ELAPOR1: variants seen among roughly 807,000 people sequenced by gnomAD.
ELAPOR1 encodes endosome/lysosome-associated apoptosis and autophagy regulator 1.
Under a neutral mutation model 119.7 loss-of-function variants are expected in ELAPOR1, and 77 were observed. The ratio of observed to expected loss-of-function variants is 0.64; its 90% CI spans 0.54 to 0.78. The LOEUF (loss-of-function observed/expected upper bound fraction) is 0.78, where lower values mean the gene tolerates loss of function less well. Among genes scored for constraint, ELAPOR1 ranks in the 30% least tolerant of loss-of-function variants. The probability of loss-of-function intolerance (pLI) is 0.00; values close to 1 mark genes in which losing one functional copy is unlikely to be tolerated. For synonymous variants in ELAPOR1, 481 were observed against 487.2 expected (o/e 0.99, Z 0.17); for missense variants, 1,115 against 1,270.4 (o/e 0.88, Z 1.86).
chr1:109,141,865 A>G (rs1228966203), intron 1 of ELAPOR1, among the ~76,000 whole-genome samples: 1 of 151,130 alleles, frequency 6.6e-6, no homozygotes, highest in African/African-American at 2.4e-5. Flanking sequence ...GGGTTTTGCC[A>G]TGTTGCCCAG....
At chr1:109,161,120 AGGGAAAT>A (rs1651220142) in intron 1 of ELAPOR1, among the ~76,000 whole-genome samples, 3 of 152,200 alleles carry the variant, frequency 2.0e-5, no homozygotes, top group African/African-American at 7.2e-5. Flanking sequence ...TAAGAAACAC[AGGGAAAT>A]AGGGCCAGGC....
At chr1:109,178,907 G>A (rs1570694722) in intron 7 of ELAPOR1, among the ~76,000 whole-genome samples, 1 of 150,348 alleles carries the variant, frequency 6.7e-6, no homozygotes, top group Non-Finnish European at 1.5e-5. Context: ...GGAGGCTGCA[G>A]TGAACCAAGA....
chr1:109,133,038 C>T (rs983530273), intron 1 of ELAPOR1, among the ~76,000 whole-genome samples: 39 of 152,016 alleles, frequency 2.6e-4, no homozygotes, highest in Non-Finnish European at 1.0e-4. Context: ...AAGACCAGCC[C>T]GGGCAACATG....
intron 11 of ELAPOR1, 150 bp downstream of exon 11, chr1:109,189,832 A>C: frequency 4.5e-6 from 3 of 662,500 alleles, no homozygotes; most frequent in Non-Finnish European, 8.0e-6. Context: ...AGTTTGACCG[A>C]GGTAACCCAA....
At position 109,172,586 on chromosome 1, in the gene ELAPOR1, C is replaced by T. The variant is rs1651989191; in HGVS notation, c.696+18C>T. The T allele has an allele frequency of 1.3e-6, 2 of 1,594,752 alleles. No homozygotes were observed. The highest frequency in any genetic ancestry group is 1.7e-6 in the Non-Finnish European group (2 of 1,163,232). On this transcript the variant is annotated intron_variant, in intron 5 of 21. Coordinates refer to ENST00000369939, the MANE Select transcript of ELAPOR1 (RefSeq NM_020775.5). The stretch of plus-strand genomic sequence containing the variant: ...TCCACAGTGTGAGTATCACACCAGC[C>T]TTCTCCCAGAGATCCCAGAAAAGGG...
At position 109,164,426 on chromosome 1, in the gene ELAPOR1, C is replaced by T. The variant is rs929633567; in HGVS notation, c.275-73C>T. The T allele has an allele frequency of 2.2e-6, 3 of 1,369,762 alleles. No individual in the cohort carries two copies. In the African/African-American group the frequency reaches 4.3e-5, roughly 20 times the overall value. 84.9% of individuals were successfully genotyped at this position (1,369,762 alleles called of 1,614,324 possible). On this transcript the variant is annotated intron_variant, in intron 2 of 21. Transcript: ENST00000369939. ...CCCAACCCAGCGCTCCTCCCTTCAG[C>T]TGCTCGCAGCCCATTCACTTCTGGG...
Position 109,192,744 on chromosome 1 carries a change from C to T in ELAPOR1, c.1817C>T (p.Pro606Leu). 1 of 1,614,074 alleles carries T rather than the reference C, an allele frequency of 6.2e-7. No homozygotes were observed. Residue 606 changes from proline (P) to leucine (L), a missense_variant, in exon 14 of 22, where the codon CCT (proline) becomes CTT (leucine). Pro to Leu is a moderately conservative substitution (Grantham distance 98). Coordinates refer to ENST00000369939, the MANE Select transcript of ELAPOR1 (RefSeq NM_020775.5). ...SDVGSSCTSC[P>L]AGYYIDRDSG... The stretch of plus-strand genomic sequence containing the variant: ...GTGGGCTCCTCCTGCACCTCTTGTC[C>T]TGCTGGTTACTATATTGACCGAGAT...
chr1:109,129,411 G>A (rs964083362), intron 1 of ELAPOR1, among the ~76,000 whole-genome samples: 2 of 152,202 alleles, frequency 1.3e-5, no homozygotes, highest in Admixed American at 1.3e-4. Context: ...CCGGGAGGCT[G>A]AGGCAGGATT....
chr1:109,185,131 G>A lies in ELAPOR1; in HGVS notation c.1039G>A (p.Glu347Lys), dbSNP rs370044635. Residue 347 changes from glutamate to lysine, a missense_variant and splice_region_variant, in exon 8 of 22, where the codon GAG (glutamate) becomes AAG (lysine). Glu to Lys is a moderately conservative substitution (Grantham distance 56, BLOSUM62 1). Transcript: ENST00000369939. ...ACACACGGCCTGCGATGCCAACGGA[G>A]AGGTGGGTAGTACAGTCTTGGAGCC... ...YTHTACDANG[E>K]TQLMYKWAKP... is the part of the protein sequence containing the mutation. 13 of 1,612,968 alleles carry A rather than the reference G, an allele frequency of 8.1e-6. No individual in the cohort carries two copies. In the African/African-American group the frequency reaches 1.6e-4, roughly 20 times the overall value.
intron 1 of ELAPOR1, among the ~76,000 whole-genome samples, chr1:109,159,056 C>A (rs1651075847): frequency 6.6e-6 from 1 of 151,972 alleles, no homozygotes. Context: ...TGCCACCACA[C>A]CTAATTTTTG....
chr1:109,138,799 A>G (rs1570625640), intron 1 of ELAPOR1, among the ~76,000 whole-genome samples: 1 of 137,084 alleles, frequency 7.3e-6, no homozygotes, highest in Admixed American at 8.0e-5. Flanking sequence ...ACGCCATTGC[A>G]CTCTAGCCTG....
At chr1:109,158,259 A>G (rs996613034) in intron 1 of ELAPOR1, among the ~76,000 whole-genome samples, 3 of 151,852 alleles carry the variant, frequency 2.0e-5, no homozygotes, top group Non-Finnish European at 2.9e-5. Flanking sequence ...GTGGGAAGGT[A>G]GAAGGAAGGA....
intron 3 of ELAPOR1, among the ~76,000 whole-genome samples, chr1:109,166,101 G>C (rs1481146734): frequency 6.6e-6 from 1 of 152,044 alleles, no homozygotes; most frequent in African/African-American, 2.4e-5. Flanking sequence ...ATTTTTAGTA[G>C]AGATGGGGTT....
intron 1 of ELAPOR1, among the ~76,000 whole-genome samples, chr1:109,132,435 C>G (rs150548485): frequency 3.5e-4 from 54 of 152,240 alleles, no homozygotes; most frequent in African/African-American, 1.2e-3. Flanking sequence ...TGTGGGCTAC[C>G]GCACCCAGCC....
At chr1:109,129,300 A>C (rs1387840952) in intron 1 of ELAPOR1, among the ~76,000 whole-genome samples, 5 of 152,178 alleles carry the variant, frequency 3.3e-5, no homozygotes, top group African/African-American at 7.2e-5. Context: ...ACCTGAGGTC[A>C]GGAGTTCGAG....
Position 109,191,386 on chromosome 1 carries a change from C to T in ELAPOR1, c.1460C>T (p.Ala487Val). ...TACAGACCTCCGCAGTCGGTGATGG[C>T]AGACACAGAGAATAAAGAGGTGGCC... ...PGFRPPQSVM[A>V]DTENKEVARI... The change falls in exon 12 of 22, where the codon GCA becomes GTA. Residue 487 changes from alanine (A) to valine (V), a missense_variant. Coordinates refer to ENST00000369939, the MANE Select transcript of ELAPOR1 (RefSeq NM_020775.5). 1 of 1,614,032 alleles carries T rather than the reference C, an allele frequency of 6.2e-7. No homozygotes were observed. The highest frequency in any genetic ancestry group is 1.3e-5 in the African/African-American group (1 of 75,052).
intron 18 of ELAPOR1, among the ~76,000 whole-genome samples, 178 bp from the exon 19 acceptor site, chr1:109,199,676 A>T (rs1654040103): frequency 6.6e-6 from 1 of 152,240 alleles, no homozygotes. Context: ...AAGGCCTCTT[A>T]TCAGTGAAAT....
In ELAPOR1 at chr1:109,191,745, A is replaced by G; in HGVS notation, c.1565A>G (p.Asn522Ser). ...YFMVGVNSRT[N>S]TPVETWKGSK... ...GTTCAGGGTGTGAATTCTAGGACCA[A>G]CACTCCTGTGGAGACGTGGAAAGGT... Residue 522 changes from asparagine to serine, a missense_variant, in exon 13 of 22, where the codon AAC (asparagine) becomes AGC (serine). Transcript: ENST00000369939. 2 of 1,614,232 alleles carry G rather than the reference A, an allele frequency of 1.2e-6. No individual in the cohort carries two copies. The highest frequency in any genetic ancestry group is 1.7e-6 in the Non-Finnish European group (2 of 1,180,044).
At chr1:109,190,777 T>G (rs1394222112) in intron 11 of ELAPOR1, among the ~76,000 whole-genome samples, 1 of 152,220 alleles carries the variant, frequency 6.6e-6, no homozygotes, top group Non-Finnish European at 1.5e-5. Context: ...CATGGCTCTC[T>G]CTTTCCCAAA....
Sources: allele counts gnomAD v4.1 joint callset (sites outside exome capture counted in the v4.1 genomes callset), GRCh38; gene constraint gnomAD v4.1.1; transcripts MANE v1.5; gene names NCBI Gene and HGNC (gene_info 2026-07-23, HGNC 2026-07-21).